The following NRXN3 variants were observed in gnomAD, a reference collection of about 807,000 sequenced individuals.
The protein encoded by NRXN3 is neurexin 3.
NRXN3 carries 32 observed loss-of-function variants against 137.6 expected under a neutral mutation model. That is an observed-to-expected ratio of 0.23 (90% confidence interval 0.18 to 0.31). The LOEUF is 0.31. Ranked by LOEUF, NRXN3 falls within the 10% of genes least tolerant of loss-of-function variation. The pLI is 1.00. For synonymous variants in NRXN3, 798 were observed against 784.5 expected, an observed-to-expected ratio of 1.02 and a Z score of -0.29; for missense variants, 1,574 against 2,062.5, an observed-to-expected ratio of 0.76 and a Z score of 4.59.
intron 16 of NRXN3, among the ~76,000 whole-genome samples, chr14:79,481,150 T>A (rs2096604660): frequency 1.3e-5 from 2 of 151,894 alleles, no homozygotes; most frequent in African/African-American, 2.4e-5. Flanking sequence ...AGTGGGGGAG[T>A]CCTTAATGGG....
intron 15 of NRXN3, among the ~76,000 whole-genome samples, chr14:79,228,885 G>A (rs1568689643): frequency 1.3e-5 from 2 of 151,998 alleles, no homozygotes; most frequent in South Asian, 4.1e-4. Flanking sequence ...AGAAGGGAGC[G>A]GTATTGGCAT....
intron 4 of NRXN3, among the ~76,000 whole-genome samples, chr14:78,398,365 ATTT>A (rs757461170): frequency 6.6e-6 from 1 of 151,748 alleles, no homozygotes; most frequent in Non-Finnish European, 1.5e-5. Context: ...TTTGGTTATT[ATTT>A]TGAGACTCTG....
chr14:78,635,378 A>G (rs2097558707), intron 4 of NRXN3, among the ~76,000 whole-genome samples: 1 of 152,182 alleles, frequency 6.6e-6, no homozygotes, highest in Admixed American at 6.5e-5. Flanking sequence ...CATGACTTCT[A>G]TATTATTTTC....
chr14:79,032,537 CTG>C lies in NRXN3; in HGVS notation c.3262+44397_3262+44398del, dbSNP rs148628381. On this transcript the variant is annotated intron_variant, in intron 15 of 20. Transcript: ENST00000335750. ...TCTCACCTGAGCCTTAGAGAGGAAA[CTG>C]ACATCTGTCAATTCACTTGTTCTGT... is the stretch of plus-strand genomic sequence containing the variant. Among the ~76,000 whole-genome samples, 562 of 152,272 alleles carry C rather than the reference CTG, an allele frequency of 3.7e-3. 2 individuals carry two copies. Among genetic ancestry groups the C allele is most frequent in the African/African-American group, 0.013 (544 of 41,578 alleles).
chr14:79,110,762 T>A (rs1015050716), intron 15 of NRXN3, among the ~76,000 whole-genome samples: 1 of 139,110 alleles, frequency 7.2e-6, no homozygotes, highest in Non-Finnish European at 1.5e-5. Flanking sequence ...GAAATTATTA[T>A]TTTATTTATT....
At chr14:79,840,531 A>G (rs1466714724) in intron 20 of NRXN3, among the ~76,000 whole-genome samples, 1 of 152,122 alleles carries the variant, frequency 6.6e-6, no homozygotes, top group Non-Finnish European at 1.5e-5. Context: ...AAGTTCCCAT[A>G]CTCAGTGAGA....
At chr14:78,526,577 G>C (rs566596901) in intron 4 of NRXN3, among the ~76,000 whole-genome samples, 4 of 152,306 alleles carry the variant, frequency 2.6e-5, no homozygotes, top group Admixed American at 2.0e-4. Context: ...GGTGACCTTA[G>C]GTTCTTCTGT....
At chr14:78,887,790 G>A (rs1424530361) in intron 10 of NRXN3, among the ~76,000 whole-genome samples, 1 of 152,086 alleles carries the variant, frequency 6.6e-6, no homozygotes, top group Non-Finnish European at 1.5e-5. Flanking sequence ...TCTAATTCAG[G>A]CTCATTGGAG....
chr14:78,989,521 A>G (rs2099514252), intron 15 of NRXN3, among the ~76,000 whole-genome samples: 2 of 152,162 alleles, frequency 1.3e-5, no homozygotes, highest in African/African-American at 2.4e-5. Context: ...GAAGGATACG[A>G]TGTCTGGAGA....
intron 15 of NRXN3, among the ~76,000 whole-genome samples, chr14:79,113,352 T>C (rs1301732171): frequency 1.3e-5 from 2 of 152,156 alleles, no homozygotes; most frequent in African/African-American, 4.8e-5. Flanking sequence ...GTCTCCACCA[T>C]GGGAACAAAG....
chr14:78,305,148 C>T (rs2077234794), intron 4 of NRXN3, among the ~76,000 whole-genome samples: 1 of 152,114 alleles, frequency 6.6e-6, no homozygotes, highest in South Asian at 2.1e-4. Context: ...TTGGCACTAC[C>T]TTCGGAGAGG....
At chr14:79,349,517 C>T (rs2093084638) in intron 15 of NRXN3, among the ~76,000 whole-genome samples, 1 of 148,614 alleles carries the variant, frequency 6.7e-6, no homozygotes, top group South Asian at 2.1e-4. Context: ...TTGTGTATCT[C>T]ACCTCCGTCC....
At chr14:78,689,724 CCTT>C (rs1403951178) in intron 6 of NRXN3, among the ~76,000 whole-genome samples, 1 of 152,098 alleles carries the variant, frequency 6.6e-6, no homozygotes, top group East Asian at 1.9e-4. Context: ...GCTGCTTCCT[CCTT>C]CTAGGCTGGA....
chr14:79,017,217 C>T (rs1373592939), intron 15 of NRXN3, among the ~76,000 whole-genome samples: 2 of 77,440 alleles, frequency 2.6e-5, no homozygotes, highest in Non-Finnish European at 5.4e-5. Flanking sequence ...GTGCAGATCG[C>T]CCCACGGATC....
intron 16 of NRXN3, among the ~76,000 whole-genome samples, chr14:79,480,405 C>T (rs1054281411): frequency 1.3e-5 from 2 of 152,118 alleles, no homozygotes; most frequent in Admixed American, 6.6e-5. Context: ...GTGTGAATGA[C>T]GTGGTTTTCC....
At chr14:79,478,061 G>C (rs1251179008) in intron 16 of NRXN3, among the ~76,000 whole-genome samples, 2 of 151,842 alleles carry the variant, frequency 1.3e-5, no homozygotes, top group East Asian at 3.9e-4. Context: ...GCTAGAGGTG[G>C]GGGCCTAGAG....
In NRXN3 at chr14:78,300,627, C is replaced by T. The variant is rs537828756; in HGVS notation, c.757+2767C>T. On this transcript the variant is annotated intron_variant, in intron 4 of 20. Coordinates refer to ENST00000335750, the MANE Select transcript of NRXN3 (RefSeq NM_001330195.2). ...TCTCTCTCTGTCTCTCTCTGGCCGC[C>T]TCCATGGTGAACACCATGCTTCCTC... 531 of 1,440,808 alleles carry T rather than the reference C, an allele frequency of 3.7e-4. 4 individuals carry two copies. The African/African-American group carries it at 6.7e-3, about 18-fold the overall frequency. The allele number at this position is 1,440,808 out of a possible 1,614,324, so 89.3% of individuals were successfully genotyped here.
chr14:79,791,478 T>A (rs919616122), intron 19 of NRXN3, among the ~76,000 whole-genome samples: 1 of 146,880 alleles, frequency 6.8e-6, no homozygotes, highest in Non-Finnish European at 1.5e-5. Context: ...AATTATATAT[T>A]GTAATAATTA....
At chr14:78,809,181 A>G (rs1020269808) in intron 9 of NRXN3, among the ~76,000 whole-genome samples, 1 of 152,092 alleles carries the variant, frequency 6.6e-6, no homozygotes, top group African/African-American at 2.4e-5. Flanking sequence ...GATTAATACA[A>G]TGATAGATAT....
Sources: gnomAD v4.1 joint callset for allele counts (sites outside exome capture counted in the v4.1 genomes callset) on GRCh38, gnomAD v4.1.1 for gene constraint, MANE v1.5 for transcripts, NCBI Gene and HGNC (gene_info 2026-07-23, HGNC 2026-07-21) for gene names.